DIP2B: variants seen among roughly 807,000 people sequenced by gnomAD.
The protein encoded by DIP2B is DIP2 acetate--CoA ligase B (putative), also known as disco-interacting protein 2 homolog B.
In DIP2B, 76 loss-of-function variants were observed where a neutral mutation model predicts 198.0. That is an observed-to-expected ratio of 0.38 (90% CI 0.32 to 0.46). DIP2B has a LOEUF of 0.46. DIP2B is among the 20% of genes least tolerant of loss of function. The pLI is 0.99. For synonymous variants in DIP2B, 701 were observed against 739.1 expected (o/e 0.95, Z 0.84); for missense variants, 1,559 against 1,978.4 (o/e 0.79, Z 4.02).
rs1939785415 is a variant in DIP2B at position 50,719,001 on chromosome 12, C to T, written c.3008C>T (p.Pro1003Leu). Residue 1003 changes from proline to leucine, a missense_variant, in exon 25 of 38, where the codon CCT becomes CTT. Coordinates refer to ENST00000301180, the MANE Select transcript of DIP2B (RefSeq NM_173602.3). ...CTACAGTGGCGAGCCCAGGCGACTC[C>T]TGACCATGTACTCTTCATGCTGTTA... Reference protein sequence around the residue: ...EILQWRAQATPDHVLFMLLNA... With the variant: ...EILQWRAQATLDHVLFMLLNA... The T allele has an allele frequency of 6.2e-7, 1 of 1,614,180 alleles. No individual in the cohort carries two copies. Among genetic ancestry groups the T allele is most frequent in the South Asian group, 1.1e-5 (1 of 91,086 alleles).
At chr12:50,707,578 C>A (rs574078730) in intron 21 of DIP2B, among the ~76,000 whole-genome samples, 2 of 152,196 alleles carry the variant, frequency 1.3e-5, no homozygotes, top group Admixed American at 1.3e-4. Flanking sequence ...CTGGAGGCTT[C>A]GGCTGTGGCA....
At chr12:50,585,861 C>T (rs1392125658) in intron 1 of DIP2B, among the ~76,000 whole-genome samples, 1 of 152,194 alleles carries the variant, frequency 6.6e-6, no homozygotes, top group Non-Finnish European at 1.5e-5. Flanking sequence ...TTGTCATTAT[C>T]CTGGGCATTT....
intron 1 of DIP2B, among the ~76,000 whole-genome samples, chr12:50,623,411 ACACACACACACACACACACACACACACT>A (rs1180658158): frequency 7.1e-5 from 6 of 85,082 alleles, no homozygotes; most frequent in African/African-American, 3.3e-4. Context: ...ACACACACAC[ACACACACACACACACACACACACACACT>A]CTCTCTCTCT....
At chr12:50,661,364 G>A (rs538843228) in intron 4 of DIP2B, among the ~76,000 whole-genome samples, 3 of 152,212 alleles carry the variant, frequency 2.0e-5, no homozygotes, top group African/African-American at 7.2e-5. Context: ...CTGTCAAGTT[G>A]TTGAGCTGTT....
intron 3 of DIP2B, among the ~76,000 whole-genome samples, chr12:50,652,371 GCACACACACA>G (rs903825618): frequency 6.4e-5 from 8 of 124,422 alleles, no homozygotes; most frequent in African/African-American, 2.5e-4. Flanking sequence ...ACACACACAC[GCACACACACA>G]CACAAATTAG....
rs1029304871 is a variant in DIP2B at position 50,505,105 on chromosome 12, T to C, written c.-36T>C. 1 of 1,522,746 alleles carries C rather than the reference T, an allele frequency of 6.6e-7. No homozygotes were observed. Among genetic ancestry groups the C allele is most frequent in the South Asian group, 1.2e-5 (1 of 83,616 alleles). The allele number at this position is 1,522,746 out of a possible 1,614,324, so 94.3% of individuals were successfully genotyped here. A position where few individuals can be genotyped will look rare whatever the true frequency, so the allele number is the denominator to read the frequency against. ...TCTGTCCGTCCCTCCTTCGGCCCCCTCTCTTGTCTTCCGGAGTGTGGCTGG... is the reference window on the plus strand; with the variant it reads ...TCTGTCCGTCCCTCCTTCGGCCCCCCCTCTTGTCTTCCGGAGTGTGGCTGG... On this transcript the variant is annotated 5_prime_UTR_variant, in exon 1 of 38. Coordinates refer to ENST00000301180, the MANE Select transcript of DIP2B (RefSeq NM_173602.3).
intron 2 of DIP2B, among the ~76,000 whole-genome samples, chr12:50,628,913 C>T (rs985159184): frequency 6.6e-6 from 1 of 152,182 alleles, no homozygotes; most frequent in Non-Finnish European, 1.5e-5. Context: ...GGGTCTGGCT[C>T]TGTCGCCCAG....
At chr12:50,575,198 A>T (rs574296777) in intron 1 of DIP2B, among the ~76,000 whole-genome samples, 1 of 151,994 alleles carries the variant, frequency 6.6e-6, no homozygotes, top group East Asian at 1.9e-4. Flanking sequence ...TCTGAGCTCC[A>T]TATTTGTATC....
At chr12:50,684,828 A>G (rs753770734) in intron 10 of DIP2B, among the ~76,000 whole-genome samples, 4 of 151,924 alleles carry the variant, frequency 2.6e-5, no homozygotes, top group Non-Finnish European at 5.9e-5. Context: ...GCAGTGGCTT[A>G]TGCCTGTAAT....
At chr12:50,694,139 G>A (rs1449394942) in intron 14 of DIP2B, among the ~76,000 whole-genome samples, 2 of 152,132 alleles carry the variant, frequency 1.3e-5, no homozygotes, top group Non-Finnish European at 2.9e-5. Flanking sequence ...TGGCAAGTAC[G>A]AACATGATAA....
At chr12:50,562,140 G>A (rs1412449591) in intron 1 of DIP2B, among the ~76,000 whole-genome samples, 2 of 152,152 alleles carry the variant, frequency 1.3e-5, no homozygotes, top group African/African-American at 4.8e-5. Context: ...TGACTGCCAG[G>A]AGCAGGCTTT....
intron 1 of DIP2B, among the ~76,000 whole-genome samples, chr12:50,581,818 T>C (rs977233274): frequency 3.3e-5 from 5 of 152,210 alleles, no homozygotes; most frequent in Non-Finnish European, 7.4e-5. Flanking sequence ...GATGAGCTCA[T>C]TTGTTGCAGC....
chr12:50,545,826 G>A (rs960210108), intron 1 of DIP2B, among the ~76,000 whole-genome samples: 6 of 151,726 alleles, frequency 4.0e-5, no homozygotes, highest in African/African-American at 7.3e-5. Flanking sequence ...TAGTAGAGGC[G>A]GGGTTTCACC....
At chr12:50,715,633 A>G (rs1939700710) in intron 23 of DIP2B, among the ~76,000 whole-genome samples, 1 of 152,218 alleles carries the variant, frequency 6.6e-6, no homozygotes. Flanking sequence ...ATCATTAGCA[A>G]CTGCCCCAGG....
Position 50,706,655 on chromosome 12 carries a change from T to C in DIP2B, c.2524T>C (p.Tyr842His), listed in dbSNP as rs752110664. The change falls in exon 21 of 38, where the codon TAT (tyrosine) becomes CAT (histidine). Residue 842 changes from tyrosine to histidine, a missense_variant. Tyr to His is a moderately conservative substitution (Grantham distance 83). Coordinates refer to ENST00000301180, the MANE Select transcript of DIP2B (RefSeq NM_173602.3). Reference sequence around the variant, plus strand: ...GGCTGTAGAATCAATAAAGACTGTTTATAGAGGAAGGTGAGTAGTACAAAA... The same window carrying C: ...GGCTGTAGAATCAATAAAGACTGTTCATAGAGGAAGGTGAGTAGTACAAAA... The part of the protein sequence containing the change: ...GLAVESIKTV[Y>H]RGRIAVFSVS... The C allele has an allele frequency of 6.2e-7, 1 of 1,613,996 alleles. No homozygotes were observed. The highest frequency in any genetic ancestry group is 2.2e-5 in the East Asian group (1 of 44,854).
At chr12:50,641,990 C>A (rs2139488187) in intron 3 of DIP2B, among the ~76,000 whole-genome samples, 1 of 152,286 alleles carries the variant, frequency 6.6e-6, no homozygotes, top group Non-Finnish European at 1.5e-5. Flanking sequence ...GTCTATATCA[C>A]ATCCTCTCAA....
In DIP2B at chr12:50,591,463, A is replaced by T. The variant is rs531934397; in HGVS notation, c.101-34513A>T. On this transcript the variant is annotated intron_variant, in intron 1 of 37. Transcript: ENST00000301180. ...GATAATTTTTTTTAATTTATTTGAG[A>T]CATTGTCTCTGTCTCCCTGGCTGGA... 3.3e-5 allele frequency among the ~76,000 whole-genome samples: 5 copies of T among 151,668 alleles called. No individual in the cohort carries two copies. The South Asian group carries it at 1.0e-3, about 32-fold the overall frequency.
chr12:50,729,647 A>G (rs569622202), intron 30 of DIP2B, among the ~76,000 whole-genome samples: 1 of 152,150 alleles, frequency 6.6e-6, no homozygotes, highest in South Asian at 2.1e-4. Context: ...AAAAAAAAAC[A>G]TTGTGTTGAT....
At chr12:50,558,512 C>CTGT (rs1325549434) in intron 1 of DIP2B, among the ~76,000 whole-genome samples, 1 of 152,158 alleles carries the variant, frequency 6.6e-6, no homozygotes, top group Non-Finnish European at 1.5e-5. Flanking sequence ...TGAGGCCACA[C>CTGT]TGTTTGCAGC....
Sources: allele counts gnomAD v4.1 joint callset (sites outside exome capture counted in the v4.1 genomes callset), GRCh38; gene constraint gnomAD v4.1.1; transcripts MANE v1.5; gene names NCBI Gene and HGNC (gene_info 2026-07-23, HGNC 2026-07-21).